LRBA: variants seen among roughly 807,000 people sequenced by gnomAD.
LRBA encodes the protein lipopolysaccharide-responsive and beige-like anchor protein.
Under a neutral mutation model 330.0 loss-of-function variants are expected in LRBA, and 176 were observed. The observed-to-expected ratio is 0.53, with a 90% CI of 0.47 to 0.60. The LOEUF is 0.60. Among genes scored for constraint, LRBA ranks in the 20% least tolerant of loss-of-function variants. LRBA has a pLI of 0.00. For missense variants in LRBA, 3,259 were observed against 3,444.8 expected (o/e 0.95, Z 1.35); for synonymous variants, 1,230 against 1,193.0 (o/e 1.03, Z -0.64).
At chr4:150,641,157 A>G (rs531878162) in intron 37 of LRBA, among the ~76,000 whole-genome samples, 1 of 152,258 alleles carries the variant, frequency 6.6e-6, no homozygotes, top group Non-Finnish European at 1.5e-5. Context: ...AGAGATCCAA[A>G]AGCTTACATT....
intron 43 of LRBA, among the ~76,000 whole-genome samples, chr4:150,468,693 A>C (rs1471010750): frequency 6.6e-6 from 1 of 151,924 alleles, no homozygotes; most frequent in Non-Finnish European, 1.5e-5. Context: ...TATTGTTTGA[A>C]TTCCTTTCTT....
chr4:150,697,297 C>A (rs1784706014), intron 36 of LRBA, among the ~76,000 whole-genome samples: 1 of 107,564 alleles, frequency 9.3e-6, no homozygotes, highest in East Asian at 3.0e-4. Context: ...GCACACCAGC[C>A]TGGGTGACAG....
intron 35 of LRBA, among the ~76,000 whole-genome samples, chr4:150,743,813 C>G (rs1360712336): frequency 6.6e-6 from 1 of 152,194 alleles, no homozygotes; most frequent in African/African-American, 2.4e-5. Context: ...CTCCTCCTTA[C>G]ATGTCTCTGT....
At chr4:150,822,064 T>G (rs528039539) in intron 30 of LRBA, among the ~76,000 whole-genome samples, 1 of 151,746 alleles carries the variant, frequency 6.6e-6, no homozygotes, top group South Asian at 2.1e-4. Flanking sequence ...AGCATGAAAG[T>G]TTTTACAAAG....
intron 14 of LRBA, among the ~76,000 whole-genome samples, chr4:150,899,454 T>C (rs762353909): frequency 2.6e-5 from 4 of 152,112 alleles, no homozygotes; most frequent in African/African-American, 4.8e-5. Flanking sequence ...ACCTCCCTTT[T>C]TGATGTAAGC....
chr4:150,640,771 C>T (rs556078384), intron 37 of LRBA, among the ~76,000 whole-genome samples: 10 of 152,106 alleles, frequency 6.6e-5, no homozygotes, highest in African/African-American at 1.2e-4. Context: ...TACTTATTGT[C>T]GAAATGTTAC....
Position 150,386,841 on chromosome 4 carries a change from A to T in LRBA, c.7194+28597T>A, listed in dbSNP as rs577838392. On this transcript the variant is annotated intron_variant, in intron 47 of 56. Transcript: ENST00000651943. ...CTCTAGGTCTTTGAGGAATAACCAT[A>T]CTGTCTTCAACAATGGTTGAACTAA... 1.1e-3 allele frequency among the ~76,000 whole-genome samples: 166 copies of T among 152,292 alleles called. 1 individual carries two copies. The highest frequency in any genetic ancestry group is 2.0e-3 in the Non-Finnish European group (139 of 68,028).
chr4:150,717,690 A>ATAATAATAATAATAATAT (rs1728413716), intron 36 of LRBA, among the ~76,000 whole-genome samples: 1 of 147,834 alleles, frequency 6.8e-6, no homozygotes, highest in Non-Finnish European at 1.5e-5. Flanking sequence ...AATAATAATA[A>ATAATAATAATAATAATAT]TAATAATAAT....
At chr4:150,456,655 C>T (rs1356446429) in intron 44 of LRBA, among the ~76,000 whole-genome samples, 10 of 152,006 alleles carry the variant, frequency 6.6e-5, no homozygotes, top group Admixed American at 6.6e-4. Flanking sequence ...GTTTCCTTTG[C>T]TGCGCAGAAG....
chr4:150,854,852 C>T (rs1164389287), intron 22 of LRBA, among the ~76,000 whole-genome samples: 1 of 152,094 alleles, frequency 6.6e-6, no homozygotes, highest in African/African-American at 2.4e-5. Context: ...GATGTGGCCA[C>T]GAGCTAGATT....
chr4:150,648,171 A>AAAAAAAAAC (rs1351965231), intron 37 of LRBA, among the ~76,000 whole-genome samples: 1 of 144,690 alleles, frequency 6.9e-6, no homozygotes, highest in African/African-American at 2.5e-5. Flanking sequence ...AAAAAAAAAA[A>AAAAAAAAAC]AAAAAACTAG....
At chr4:150,288,663 A>T (rs1748468010) in intron 53 of LRBA, among the ~76,000 whole-genome samples, 1 of 152,082 alleles carries the variant, frequency 6.6e-6, no homozygotes, top group Non-Finnish European at 1.5e-5. Context: ...AGAAGGCTGT[A>T]CATTCCACAA....
intron 4 of LRBA, among the ~76,000 whole-genome samples, chr4:150,926,146 C>T (rs769174076): frequency 6.6e-6 from 1 of 152,196 alleles, no homozygotes; most frequent in South Asian, 2.1e-4. Flanking sequence ...CTCCAGAAAT[C>T]TGCATTGACT....
rs978276363 is a variant in LRBA, at chr4:150,751,537, T to C, written c.5645+10246A>G. On this transcript the variant is annotated intron_variant, in intron 35 of 56. Coordinates refer to ENST00000651943, the MANE Select transcript of LRBA (RefSeq NM_001364905.1). The stretch of plus-strand genomic sequence containing the variant: ...ATTTAGCAACAGCAATTTTATCTAA[T>C]AGCTGTGTAAACTATTCTTTCAAAA... Among the ~76,000 whole-genome samples the C allele has an allele frequency of 4.6e-4, 70 of 152,144 alleles. 1 individual carries two copies. Among genetic ancestry groups the C allele is most frequent in the Admixed American group, 3.0e-3 (45 of 15,250 alleles).
intron 2 of LRBA, among the ~76,000 whole-genome samples, chr4:151,008,077 TTC>T (rs1323091034): frequency 6.6e-6 from 1 of 151,910 alleles, no homozygotes; most frequent in African/African-American, 2.4e-5. Context: ...AGAAGTTTTT[TTC>T]TTTTTTTTTT....
intron 37 of LRBA, among the ~76,000 whole-genome samples, chr4:150,612,892 C>G (rs1775410630): frequency 6.6e-6 from 1 of 151,986 alleles, no homozygotes; most frequent in Non-Finnish European, 1.5e-5. Context: ...TTAAAGGGAC[C>G]AAGAAGCTTT....
chr4:150,341,201 A>G (rs1561038472), intron 48 of LRBA, among the ~76,000 whole-genome samples: 1 of 152,108 alleles, frequency 6.6e-6, no homozygotes, highest in African/African-American at 2.4e-5. Context: ...TTGCTTTGTC[A>G]CCCAGGCTAG....
At chr4:150,284,352 T>A (rs1336799520) in intron 54 of LRBA, among the ~76,000 whole-genome samples, 9 of 152,226 alleles carry the variant, frequency 5.9e-5, no homozygotes, top group African/African-American at 2.2e-4. Flanking sequence ...GAAAAGATGC[T>A]AGCTCCTTAC....
intron 40 of LRBA, among the ~76,000 whole-genome samples, chr4:150,567,539 C>A (rs1769292191): frequency 1.3e-5 from 2 of 152,020 alleles, no homozygotes; most frequent in Non-Finnish European, 2.9e-5. Flanking sequence ...ACAAATTATG[C>A]TTTACTGCTT....
Sources: allele counts gnomAD v4.1 joint callset (sites outside exome capture counted in the v4.1 genomes callset), GRCh38; gene constraint gnomAD v4.1.1; transcripts MANE v1.5; gene names NCBI Gene and HGNC (gene_info 2026-07-23, HGNC 2026-07-21).